Variants in TNS3 observed in about 807,000 individuals in gnomAD.
TNS3 encodes tensin 3, also known as tensin-3.
A neutral mutation model predicts 140.9 loss-of-function variants in TNS3; 45 were observed. That is an observed-to-expected ratio of 0.32 (90% CI 0.25 to 0.41). TNS3 has a LOEUF of 0.41. TNS3 is among the 10% of genes least tolerant of loss of function. TNS3 has a pLI of 1.00. For missense variants in TNS3, 1,716 were observed against 1,906.7 expected (o/e 0.90, Z 1.86); for synonymous variants, 815 against 788.4 (o/e 1.03, Z -0.56).
At chr7:47,411,838 C>T in intron 12 of TNS3, 36 bp from the exon 13 acceptor site, 1 of 1,596,696 alleles carries the variant, frequency 6.3e-7, no homozygotes, top group Non-Finnish European at 8.6e-7. Context: ...CATTATGCAA[C>T]TTCATGATTT....
rs1220239723 is a variant in TNS3, at chr7:47,275,648, C to T, written c.*2428G>A. 11 of 375,416 alleles carry T rather than the reference C, an allele frequency of 2.9e-5. No individual in the cohort carries two copies. The East Asian group carries it at 8.1e-4, about 27-fold the overall frequency. The allele number at this position is 375,416 out of a possible 1,614,324, so 23.3% of individuals were successfully genotyped here. A position where few individuals can be genotyped will look rare whatever the true frequency, so the allele number is the denominator to read the frequency against. On this transcript the variant is annotated 3_prime_UTR_variant, in exon 31 of 31. Transcript: ENST00000311160. ...CTTGTTCTGTTTAATGCACATGTAA[C>T]ACAAAAGGAAGAAAGAAACTTCCTA...
chr7:47,341,354 T>C (rs1789007218), intron 20 of TNS3, among the ~76,000 whole-genome samples: 1 of 152,258 alleles, frequency 6.6e-6, no homozygotes, highest in Admixed American at 6.5e-5. Context: ...AATTATCCAG[T>C]GAAACCTGAA....
intron 16 of TNS3, among the ~76,000 whole-genome samples, chr7:47,383,956 C>G (rs141852178): frequency 6.6e-6 from 1 of 152,312 alleles, no homozygotes; most frequent in Non-Finnish European, 1.5e-5. Flanking sequence ...CTGTGAAGTT[C>G]CTCCTCATAA....
At chr7:47,444,601 G>T (rs1374628227) in intron 4 of TNS3, among the ~76,000 whole-genome samples, 2 of 152,134 alleles carry the variant, frequency 1.3e-5, no homozygotes, top group African/African-American at 4.8e-5. Flanking sequence ...CAGAAGGCAT[G>T]AGGACTCTGC....
At chr7:47,280,386 C>T in intron 28 of TNS3, 32 bp from the exon 29 acceptor site, 1 of 1,608,270 alleles carries the variant, frequency 6.2e-7, no homozygotes, top group Non-Finnish European at 8.5e-7. Flanking sequence ...AGGATGGCTC[C>T]TGTTACTAGG....
intron 4 of TNS3, among the ~76,000 whole-genome samples, chr7:47,457,733 C>A (rs1298245167): frequency 1.3e-5 from 2 of 152,224 alleles, no homozygotes; most frequent in South Asian, 2.1e-4. Context: ...ATCCTTTCTG[C>A]AGAGGCAGAG....
At chr7:47,416,238 G>A (rs374903033) in intron 10 of TNS3, among the ~76,000 whole-genome samples, 7 of 152,382 alleles carry the variant, frequency 4.6e-5, no homozygotes, top group African/African-American at 7.2e-5. Flanking sequence ...GAGGCAGGAA[G>A]TGGCAGGTGA....
intron 4 of TNS3, among the ~76,000 whole-genome samples, chr7:47,446,935 G>T (rs895773186): frequency 8.6e-5 from 13 of 151,888 alleles, no homozygotes; most frequent in African/African-American, 3.1e-4. Context: ...CAATCCACTG[G>T]CCTCGGTCTC....
chr7:47,299,017 TG>T (rs1786223174), intron 23 of TNS3, among the ~76,000 whole-genome samples: 1 of 152,100 alleles, frequency 6.6e-6, no homozygotes, highest in Admixed American at 6.5e-5. Flanking sequence ...CAGGGCTGGG[TG>T]GGGGGCCTCC....
At chr7:47,553,686 A>G (rs1247062151) in intron 1 of TNS3, among the ~76,000 whole-genome samples, 1 of 152,152 alleles carries the variant, frequency 6.6e-6, no homozygotes, top group African/African-American at 2.4e-5. Flanking sequence ...TCATGCAGCA[A>G]CTCTGACAGA....
At chr7:47,411,976 C>T (rs560519354) in intron 12 of TNS3, among the ~76,000 whole-genome samples, 174 bp from the exon 13 acceptor site, 4 of 152,122 alleles carry the variant, frequency 2.6e-5, no homozygotes, top group Non-Finnish European at 5.9e-5. Context: ...AAAGAAAGCT[C>T]CCAGGCCATG....
intron 16 of TNS3, among the ~76,000 whole-genome samples, chr7:47,383,134 T>A (rs1369328464): frequency 3.3e-5 from 5 of 152,340 alleles, no homozygotes; most frequent in African/African-American, 1.2e-4. Flanking sequence ...GCAACGTTAT[T>A]CATACTAGAC....
chr7:47,332,223 G>A (rs1050527945), intron 20 of TNS3, among the ~76,000 whole-genome samples: 2 of 152,262 alleles, frequency 1.3e-5, no homozygotes, highest in Non-Finnish European at 2.9e-5. Flanking sequence ...TGTGAGGCAG[G>A]CTGCTGTCTA....
intron 4 of TNS3, among the ~76,000 whole-genome samples, chr7:47,478,053 C>G (rs1214767635): frequency 6.6e-6 from 1 of 152,218 alleles, no homozygotes; most frequent in Non-Finnish European, 1.5e-5. Context: ...CAAAGGCCCT[C>G]TCATGACCCC....
At chr7:47,424,918 T>C (rs1794568869) in intron 9 of TNS3, among the ~76,000 whole-genome samples, 1 of 152,226 alleles carries the variant, frequency 6.6e-6, no homozygotes, top group African/African-American at 2.4e-5. Flanking sequence ...TCCAGAAATC[T>C]CACAGCAGGG....
intron 3 of TNS3, among the ~76,000 whole-genome samples, chr7:47,500,480 C>A (rs1290573751): frequency 6.6e-6 from 1 of 152,208 alleles, no homozygotes; most frequent in Non-Finnish European, 1.5e-5. Flanking sequence ...GCAGAACAAG[C>A]CTCCTCAGAC....
intron 27 of TNS3, among the ~76,000 whole-genome samples, chr7:47,284,135 TC>T (rs990846548): frequency 1.3e-5 from 2 of 152,188 alleles, no homozygotes; most frequent in Non-Finnish European, 2.9e-5. Context: ...GGCTTTGCCT[TC>T]CCACCAGCCA....
At chr7:47,454,162 C>T (rs926248428) in intron 4 of TNS3, among the ~76,000 whole-genome samples, 5 of 152,104 alleles carry the variant, frequency 3.3e-5, no homozygotes, top group African/African-American at 7.2e-5. Flanking sequence ...CTGGAAACCA[C>T]GTGGTGTCTC....
intron 17 of TNS3, among the ~76,000 whole-genome samples, chr7:47,363,939 T>C (rs982937757): frequency 6.6e-6 from 1 of 152,154 alleles, no homozygotes; most frequent in African/African-American, 2.4e-5. Context: ...AGCCCTGGTC[T>C]CCTTTGGCTG....
Sources: gnomAD v4.1 joint callset for allele counts (sites outside exome capture counted in the v4.1 genomes callset) on GRCh38, gnomAD v4.1.1 for gene constraint, MANE v1.5 for transcripts, NCBI Gene and HGNC (gene_info 2026-07-23, HGNC 2026-07-21) for gene names.